The following STPG2 variants were observed in gnomAD, a reference collection of about 807,000 sequenced individuals.
The protein encoded by STPG2 is sperm tail PG-rich repeat containing 2.
A neutral mutation model predicts 54.2 loss-of-function variants in STPG2; 56 were observed. That is an observed-to-expected ratio of 1.03 (90% CI 0.83 to 1.29). The LOEUF (loss-of-function observed/expected upper bound fraction) is 1.29. STPG2 is among the 50% of genes most tolerant of loss of function. The pLI, the probability that STPG2 is intolerant of heterozygous loss-of-function variation, is 0.00. For missense variants in STPG2, 596 were observed against 544.9 expected (o/e 1.09, Z -0.93); for synonymous variants, 200 against 181.8 (o/e 1.10, Z -0.81).
Position 97,563,557 on chromosome 4 carries a change from C to T in STPG2, c.1321-4440G>A, listed in dbSNP as rs532573894. Among the ~76,000 whole-genome samples the T allele has an allele frequency of 2.2e-4, 33 of 152,244 alleles. No homozygotes were observed. The East Asian group carries it at 5.6e-3, about 26-fold the overall frequency. Reference sequence around the variant, plus strand: ...GGTTGTCAATTTTGGATCTTTCCTGCTTTCTCTTGTGGGCATTTAGTGCTA... The same window carrying T: ...GGTTGTCAATTTTGGATCTTTCCTGTTTTCTCTTGTGGGCATTTAGTGCTA... On this transcript the variant is annotated intron_variant, in intron 10 of 10. Coordinates refer to ENST00000295268, the MANE Select transcript of STPG2 (RefSeq NM_174952.3).
At chr4:97,912,546 A>G (rs1731720652) in intron 8 of STPG2, among the ~76,000 whole-genome samples, 1 of 152,228 alleles carries the variant, frequency 6.6e-6, no homozygotes, top group African/African-American at 2.4e-5. Flanking sequence ...ACCAGAATAG[A>G]CCAAGTGGAG....
At chr4:97,895,574 T>C (rs1156910393) in intron 8 of STPG2, among the ~76,000 whole-genome samples, 1 of 151,836 alleles carries the variant, frequency 6.6e-6, no homozygotes, top group East Asian at 1.9e-4. Context: ...CAAATTGAAC[T>C]TAATAGCTAC....
At chr4:97,877,894 C>T (rs1730236095) in intron 8 of STPG2, among the ~76,000 whole-genome samples, 1 of 152,160 alleles carries the variant, frequency 6.6e-6, no homozygotes, top group Non-Finnish European at 1.5e-5. Context: ...TCCCTTCCAC[C>T]TACGAGCCTG....
intron 8 of STPG2, among the ~76,000 whole-genome samples, chr4:97,930,894 C>T (rs988758329): frequency 6.6e-6 from 1 of 152,078 alleles, no homozygotes; most frequent in Non-Finnish European, 1.5e-5. Context: ...TTTTAGAGAC[C>T]TTTCACCTCC....
chr4:98,104,331 C>G (rs987388665), intron 5 of STPG2, among the ~76,000 whole-genome samples: 1 of 152,044 alleles, frequency 6.6e-6, no homozygotes, highest in African/African-American at 2.4e-5. Flanking sequence ...ACCTTAGGAA[C>G]AAATATTTGC....
At chr4:97,945,231 C>A (rs564628678) in intron 7 of STPG2, among the ~76,000 whole-genome samples, 1 of 151,972 alleles carries the variant, frequency 6.6e-6, no homozygotes, top group Non-Finnish European at 1.5e-5. Context: ...CTTTCTAAGT[C>A]TCCAAAGTCC....
chr4:97,912,104 C>T (rs973129500), intron 8 of STPG2, among the ~76,000 whole-genome samples: 1 of 151,530 alleles, frequency 6.6e-6, no homozygotes, highest in Non-Finnish European at 1.5e-5. Context: ...TGCAGAAGAG[C>T]GGCCTGTTAG....
chr4:98,040,163 T>C (rs979773256), intron 5 of STPG2, among the ~76,000 whole-genome samples: 2 of 151,716 alleles, frequency 1.3e-5, no homozygotes, highest in Non-Finnish European at 3.0e-5. Flanking sequence ...CCACTCTTTA[T>C]TGGGGCTTTT....
chr4:97,899,851 T>C (rs930592906), intron 8 of STPG2, among the ~76,000 whole-genome samples: 10 of 151,826 alleles, frequency 6.6e-5, no homozygotes, highest in Admixed American at 6.6e-4. Context: ...AATGTAAAAA[T>C]CCAAACTATA....
At chr4:97,911,047 G>A (rs1282634448) in intron 8 of STPG2, among the ~76,000 whole-genome samples, 1 of 152,212 alleles carries the variant, frequency 6.6e-6, no homozygotes, top group East Asian at 1.9e-4. Context: ...AGCACAAGCC[G>A]CATGGGCAAG....
chr4:97,639,435 G>A (rs1338355461), intron 10 of STPG2, among the ~76,000 whole-genome samples: 2 of 151,464 alleles, frequency 1.3e-5, no homozygotes, highest in Non-Finnish European at 2.9e-5. Context: ...CATGGCACAT[G>A]TATACGTATG....
At chr4:97,616,448 C>T (rs972117084) in intron 10 of STPG2, among the ~76,000 whole-genome samples, 7 of 151,960 alleles carry the variant, frequency 4.6e-5, no homozygotes, top group Admixed American at 4.6e-4. Context: ...CTATTCACAA[C>T]AGATTTTGAA....
At chr4:97,729,152 T>C (rs1724718253) in intron 9 of STPG2, among the ~76,000 whole-genome samples, 1 of 149,288 alleles carries the variant, frequency 6.7e-6, no homozygotes, top group African/African-American at 2.5e-5. Context: ...AAAATCCTCA[T>C]CCAATTTCTA....
At chr4:97,661,124 C>T (rs1722363366) in intron 10 of STPG2, among the ~76,000 whole-genome samples, 1 of 152,122 alleles carries the variant, frequency 6.6e-6, no homozygotes, top group South Asian at 2.1e-4. Flanking sequence ...ATAAAATGCA[C>T]TTATAGCCAG....
chr4:98,032,874 A>G (rs1349834785), intron 5 of STPG2, among the ~76,000 whole-genome samples: 2 of 152,180 alleles, frequency 1.3e-5, no homozygotes, highest in Non-Finnish European at 2.9e-5. Flanking sequence ...AGGCAGAATA[A>G]AGATGTTATT....
intron 10 of STPG2, among the ~76,000 whole-genome samples, chr4:97,648,155 T>G (rs1376194310): frequency 6.6e-6 from 1 of 152,078 alleles, no homozygotes; most frequent in East Asian, 1.9e-4. Flanking sequence ...AAAGTGAGCT[T>G]GCAACAATGG....
At chr4:97,943,824 T>C in intron 8 of STPG2, 73 bp downstream of exon 8, 3 of 1,150,400 alleles carry the variant, frequency 2.6e-6, no homozygotes, top group Admixed American at 2.7e-5. Flanking sequence ...GGTCCTAATA[T>C]AATGTTTATG....
In STPG2 at chr4:98,137,620, G is replaced by A. The variant is rs138957373; in HGVS notation, c.110-3161C>T. Among the ~76,000 whole-genome samples the A allele has an allele frequency of 3.4e-3, 513 of 151,872 alleles. 6 individuals are homozygous for A. Among genetic ancestry groups the A allele is most frequent in the African/African-American group, 0.012 (501 of 41,488 alleles). ...TGAGATAAATATGAAAACTAAGAAA[G>A]TGAAACCCAGGCTACTTCTGAGGTA... is the stretch of plus-strand genomic sequence containing the variant. On this transcript the variant is annotated intron_variant, in intron 1 of 10. Coordinates refer to ENST00000295268, the MANE Select transcript of STPG2 (RefSeq NM_174952.3).
chr4:97,755,646 T>C (rs910160566), intron 9 of STPG2, among the ~76,000 whole-genome samples: 1 of 152,186 alleles, frequency 6.6e-6, no homozygotes, highest in Non-Finnish European at 1.5e-5. Flanking sequence ...ATACCCAAAT[T>C]TGACCAATAC....
Sources: allele counts gnomAD v4.1 joint callset (sites outside exome capture counted in the v4.1 genomes callset), GRCh38; gene constraint gnomAD v4.1.1; transcripts MANE v1.5; gene names NCBI Gene and HGNC (gene_info 2026-07-23, HGNC 2026-07-21).